Variants in PCNT observed in about 807,000 individuals in gnomAD.
The protein encoded by PCNT is pericentrin, also known as kendrin.
In PCNT, 319 loss-of-function variants were observed where a neutral mutation model predicts 380.4. That is an observed-to-expected ratio of 0.84 (90% CI 0.77 to 0.92). PCNT has a LOEUF of 0.92. Ranked by LOEUF, PCNT falls within the 40% of genes least tolerant of loss-of-function variation. The pLI is 0.00. For missense variants in PCNT, 4,400 were observed against 4,255.3 expected (o/e 1.03, Z -0.95); for synonymous variants, 1,845 against 1,735.2 (o/e 1.06, Z -1.57).
chr21:46,414,963 A>G (rs923625533), intron 29 of PCNT, among the ~76,000 whole-genome samples: 4 of 152,210 alleles, frequency 2.6e-5, no homozygotes, highest in African/African-American at 9.7e-5. Flanking sequence ...TCTGAAACCC[A>G]GAGGCTCTAA....
rs775284861 is a variant in PCNT, at chr21:46,427,662, T to G, written c.7361T>G (p.Leu2454Arg). 1.2e-6 allele frequency: 2 copies of G among 1,614,000 alleles called. No homozygotes were observed. The highest frequency in any genetic ancestry group is 2.2e-5 in the East Asian group (1 of 44,882). Residue 2454 changes from leucine (L) to arginine (R), a missense_variant, in exon 34 of 47, where the codon CTG (leucine) becomes CGG (arginine). Transcript: ENST00000359568. ...TACPDWRGDL[L>R]QVVQEAFEKE... Reference sequence around the variant, plus strand: ...TGCCCCGATTGGAGAGGGGACCTTCTGCAGGTTGTGCAAGAGGCCTTTGAA... The same window carrying G: ...TGCCCCGATTGGAGAGGGGACCTTCGGCAGGTTGTGCAAGAGGCCTTTGAA...
intron 43 of PCNT, among the ~76,000 whole-genome samples, chr21:46,441,576 G>A (rs969221891): frequency 3.3e-5 from 5 of 152,216 alleles, no homozygotes; most frequent in South Asian, 2.1e-4. Context: ...GGGTGCAGGC[G>A]AGGCCTCCTG....
chr21:46,338,009 G>A (rs961502535), intron 3 of PCNT, among the ~76,000 whole-genome samples: 1 of 152,064 alleles, frequency 6.6e-6, no homozygotes, highest in East Asian at 1.9e-4. Flanking sequence ...AAGTAGCTGG[G>A]ATTACAGGCA....
intron 3 of PCNT, among the ~76,000 whole-genome samples, chr21:46,337,749 GTT>G (rs1230173958): frequency 6.6e-6 from 1 of 151,136 alleles, no homozygotes; most frequent in Non-Finnish European, 1.5e-5. Flanking sequence ...CGCCTGGCTA[GTT>G]TTGTATTTTT....
chr21:46,339,987 G>T (rs1478425772), intron 3 of PCNT, among the ~76,000 whole-genome samples: 2 of 152,026 alleles, frequency 1.3e-5, no homozygotes, highest in Non-Finnish European at 2.9e-5. Context: ...CTTGCATACC[G>T]TATTTGTCCA....
chr21:46,349,273 C>T, intron 7 of PCNT, 87 bp downstream of exon 7: 1 of 1,096,646 alleles, frequency 9.1e-7, no homozygotes, highest in South Asian at 1.3e-5. Context: ...CACCATGCGT[C>T]ATTGCGCACG....
chr21:46,335,742 G>A (rs13046680), intron 3 of PCNT, among the ~76,000 whole-genome samples: 40,037 of 150,542 alleles, frequency 0.27, 6,600 homozygotes, highest in East Asian at 0.4. Context: ...GCCCAGGCTG[G>A]TGGTGCGATC....
At chr21:46,395,101 C>T (rs1021614071) in intron 21 of PCNT, among the ~76,000 whole-genome samples, 8 of 152,236 alleles carry the variant, frequency 5.3e-5, no homozygotes, top group African/African-American at 1.7e-4. Context: ...TGAATGTTAC[C>T]GCAGCAGCAT....
In PCNT at chr21:46,428,488, A is replaced by G. The variant is rs749686283; in HGVS notation, c.7588A>G (p.Met2530Val). 8.7e-6 allele frequency: 14 copies of G among 1,612,340 alleles called. No homozygotes were observed. The highest frequency in any genetic ancestry group is 1.3e-5 in the African/African-American group (1 of 75,068). Residue 2530 changes from methionine to valine, a missense_variant, in exon 35 of 47, where the codon ATG becomes GTG. By Grantham distance (21) the Met-to-Val change is conservative (BLOSUM62 1). Transcript: ENST00000359568. The part of the protein sequence containing the change: ...EIQALRAQLR[M>V]THLQNQEKLQ... ...CCAGGCGCTGCGTGCCCAGCTGCGC[A>G]TGACGCACCTGCAGAACCAGGAGAA...
At chr21:46,348,098 T>G (rs1028118517) in intron 6 of PCNT, 4 of 182,284 alleles carry the variant, frequency 2.2e-5, no homozygotes, top group African/African-American at 4.8e-5. Context: ...GGGGTTGTGT[T>G]CCGGTCACCT....
At chr21:46,434,789 C>T (rs963553738) in intron 38 of PCNT, among the ~76,000 whole-genome samples, 1 of 152,206 alleles carries the variant, frequency 6.6e-6, no homozygotes, top group African/African-American at 2.4e-5. Context: ...TACGTGTGTG[C>T]ATGTTCACAT....
intron 3 of PCNT, among the ~76,000 whole-genome samples, chr21:46,338,498 C>T (rs1461121530): frequency 4.6e-5 from 7 of 152,120 alleles, no homozygotes; most frequent in Non-Finnish European, 7.3e-5. Context: ...CTTTTTGATG[C>T]TGGTTAGTAC....
chr21:46,350,934 G>A (rs1468329170), intron 8 of PCNT, among the ~76,000 whole-genome samples: 1 of 152,222 alleles, frequency 6.6e-6, no homozygotes, highest in African/African-American at 2.4e-5. Context: ...GCGCTGGGCT[G>A]GGCTCTTGCT....
rs2087706666 is a variant in PCNT at position 46,430,510 on chromosome 21, C to T, written c.7917C>T (p.Ser2639=). 8 of 1,551,240 alleles carry T rather than the reference C, an allele frequency of 5.2e-6. No homozygotes were observed. Among genetic ancestry groups the T allele is most frequent in the East Asian group, 2.4e-5 (1 of 41,046 alleles). The change falls in exon 37 of 47, where the codon TCC becomes TCT. Residue 2639 remains serine, a synonymous_variant. Coordinates refer to ENST00000359568, the MANE Select transcript of PCNT (RefSeq NM_006031.6). ...EVQQEVLQLR[S]MLSSKENELK... ...GTTCTGCGATGTCTCCACGCAGATC[C>T]ATGCTGAGCAGTAAGGAGAACGAGC...
rs769446977 is a variant in PCNT, at chr21:46,398,112, G to T, written c.4545G>T (p.Trp1515Cys). 9 of 1,605,130 alleles carry T rather than the reference G, an allele frequency of 5.6e-6. No individual in the cohort carries two copies. In the South Asian group the frequency reaches 1.0e-4, roughly 18 times the overall value. ...GCCAGGCGGCCAAGCCGCAGCCCTGGGGCCCTCGCGACAGCCAGGTGAGTC... is the reference window on the plus strand; with the variant it reads ...GCCAGGCGGCCAAGCCGCAGCCCTGTGGCCCTCGCGACAGCCAGGTGAGTC... ...QLRQAAKPQPWGPRDSQQAPL... is the reference protein window; with the variant it reads ...QLRQAAKPQPCGPRDSQQAPL... Residue 1515 changes from tryptophan (W) to cysteine (C), a missense_variant, in exon 23 of 47, where the codon TGG (tryptophan) becomes TGT (cysteine). By Grantham distance (215) the Trp-to-Cys change is radical. Coordinates refer to ENST00000359568, the MANE Select transcript of PCNT (RefSeq NM_006031.6).
intron 14 of PCNT, among the ~76,000 whole-genome samples, chr21:46,366,380 C>T (rs2084929242): frequency 6.6e-6 from 1 of 152,120 alleles, no homozygotes; most frequent in Non-Finnish European, 1.5e-5. Context: ...GGCCTCTGGG[C>T]TTCTCTGGCT....
chr21:46,413,432 G>A (rs1265585492), intron 29 of PCNT, among the ~76,000 whole-genome samples: 3 of 152,208 alleles, frequency 2.0e-5, no homozygotes, highest in East Asian at 1.9e-4. Flanking sequence ...GGGCAGAGGC[G>A]GGTATTCTGC....
chr21:46,341,501 A>AT (rs2083908830), intron 3 of PCNT, among the ~76,000 whole-genome samples: 1 of 151,144 alleles, frequency 6.6e-6, no homozygotes, highest in Non-Finnish European at 1.5e-5. Context: ...TTTTTATTTT[A>AT]TTTTTTCTCA....
intron 3 of PCNT, among the ~76,000 whole-genome samples, chr21:46,338,682 T>C (rs2083828324): frequency 1.3e-5 from 2 of 150,686 alleles, no homozygotes; most frequent in Admixed American, 1.3e-4. Context: ...CTCGGCTCAC[T>C]ATAACCTCTG....
Sources: gnomAD v4.1 joint callset for allele counts (sites outside exome capture counted in the v4.1 genomes callset) on GRCh38, gnomAD v4.1.1 for gene constraint, MANE v1.5 for transcripts, NCBI Gene and HGNC (gene_info 2026-07-23, HGNC 2026-07-21) for gene names.